RGCC: variants seen among roughly 807,000 people sequenced by gnomAD.
RGCC encodes the protein regulator of cell cycle.
A neutral mutation model predicts 15.4 loss-of-function variants in RGCC; 15 were observed. The ratio of observed to expected loss-of-function variants is 0.97; its 90% CI spans 0.65 to 1.50. The LOEUF (loss-of-function observed/expected upper bound fraction) is 1.50. Among genes scored for constraint, RGCC ranks in the 40% most tolerant of loss-of-function variants. The probability of loss-of-function intolerance (pLI) is 0.00; values close to 1 mark genes in which losing one functional copy is unlikely to be tolerated. For synonymous variants in RGCC, 81 were observed against 78.0 expected, an observed-to-expected ratio of 1.04 and a Z score of -0.20; for missense variants, 176 against 189.7, an observed-to-expected ratio of 0.93 and a Z score of 0.42.
At position 41,470,601 on chromosome 13, in the gene RGCC, C is replaced by A; in HGVS notation, c.*116C>A. Reference sequence around the variant, plus strand: ...GAGGGGACAAAGACGTGCACTCAACCTTCTACCAGGCCACTCTCAGGCTCA... The same window carrying A: ...GAGGGGACAAAGACGTGCACTCAACATTCTACCAGGCCACTCTCAGGCTCA... On this transcript the variant is annotated 3_prime_UTR_variant, in exon 5 of 5. Transcript: ENST00000379359. 9.8e-7 allele frequency: 1 copy of A among 1,025,266 alleles called. No homozygotes were observed. The highest frequency in any genetic ancestry group is 1.5e-6 in the Non-Finnish European group (1 of 648,984). The allele number at this position is 1,025,266 out of a possible 1,614,324, so 63.5% of individuals were successfully genotyped here.
Position 41,458,310 on chromosome 13 carries a change from G to T in RGCC, c.75G>T (p.Ala25=). The T allele has an allele frequency of 6.3e-7, 1 of 1,582,252 alleles. No homozygotes were observed. Among genetic ancestry groups the T allele is most frequent in the South Asian group, 1.1e-5 (1 of 88,222 alleles). Residue 25 remains alanine (A), a synonymous_variant, in exon 2 of 5, where the codon GCG becomes GCT. Coordinates refer to ENST00000379359, the MANE Select transcript of RGCC (RefSeq NM_014059.3). The surrounding 1 kb of genome is among the most constrained non-coding windows in gnomAD (Gnocchi z 4.4). ...AAAPALDSAA[A]EDLSDALCEF... is the part of the protein sequence containing the mutation. ...CCCCGGCCCTGGACTCGGCGGCCGC[G>T]GAGGACCTGTCGGACGCGCTGTGCG...
chr13:41,469,989 T>G (rs1175585228), intron 4 of RGCC, among the ~76,000 whole-genome samples: 1 of 152,200 alleles, frequency 6.6e-6, no homozygotes, highest in Non-Finnish European at 1.5e-5. Context: ...TCCCAGCCCC[T>G]TAATTTTCCA....
At chr13:41,459,236 A>G (rs2043809187) in intron 2 of RGCC, among the ~76,000 whole-genome samples, 1 of 152,248 alleles carries the variant, frequency 6.6e-6, no homozygotes, top group African/African-American at 2.4e-5. Context: ...TGGGAGGATT[A>G]CAGGTACCTC....
At chr13:41,469,898 C>T (rs2043867272) in intron 4 of RGCC, among the ~76,000 whole-genome samples, 1 of 152,340 alleles carries the variant, frequency 6.6e-6, no homozygotes, top group East Asian at 1.9e-4. Flanking sequence ...GGAGGACCAA[C>T]TCCAGCTTCT....
At chr13:41,464,993 G>A (rs535307259) in intron 2 of RGCC, among the ~76,000 whole-genome samples, 1 of 152,312 alleles carries the variant, frequency 6.6e-6, no homozygotes, top group East Asian at 1.9e-4. Flanking sequence ...AGGCACCTGA[G>A]AAGTTGTGGC....
Position 41,467,532 on chromosome 13 carries a change from G to A in RGCC, c.343+602G>A, listed in dbSNP as rs369913394. 4.6e-5 allele frequency among the ~76,000 whole-genome samples: 7 copies of A among 152,346 alleles called. No homozygotes were observed. The East Asian group carries it at 7.7e-4, about 17-fold the overall frequency. ...AATGTCTCCAGCTAGAGAGTTGAAT[G>A]TTCTGTTACATTGGACAAGTGCCTT... is the stretch of plus-strand genomic sequence containing the variant. On this transcript the variant is annotated intron_variant, in intron 3 of 4. Coordinates refer to ENST00000379359, the MANE Select transcript of RGCC (RefSeq NM_014059.3).
At chr13:41,461,113 C>T (rs1168921015) in intron 2 of RGCC, among the ~76,000 whole-genome samples, 1 of 152,144 alleles carries the variant, frequency 6.6e-6, no homozygotes, top group African/African-American at 2.4e-5. Flanking sequence ...AGGGAGGCCT[C>T]TTAAGACATG....
Position 41,458,203 on chromosome 13 carries a change from C to T in RGCC, c.50-82C>T. 1 of 1,179,606 alleles carries T rather than the reference C, an allele frequency of 8.5e-7. No individual in the cohort carries two copies. Among genetic ancestry groups the T allele is most frequent in the Non-Finnish European group, 1.2e-6 (1 of 858,094 alleles). 73.1% of individuals were successfully genotyped at this position (1,179,606 alleles called of 1,614,324 possible). ...CCAAGTGTCAGTTATCTTCGGGAAC[C>T]GTGGCGGCCCCTCCTGGCCCTGGGA... On this transcript the variant is annotated intron_variant, in intron 1 of 4. Transcript: ENST00000379359. The surrounding 1 kb of genome is among the most constrained non-coding windows in gnomAD (Gnocchi z 4.4).
intron 3 of RGCC, 83 bp downstream of exon 3, chr13:41,467,013 T>G: frequency 1.2e-6 from 1 of 857,528 alleles, no homozygotes; most frequent in Non-Finnish European, 2.0e-6. Flanking sequence ...CTTTTATCCC[T>G]AAACAATCTT....
chr13:41,459,781 C>T (rs1390006903), intron 2 of RGCC, among the ~76,000 whole-genome samples: 1 of 152,194 alleles, frequency 6.6e-6, no homozygotes, highest in Non-Finnish European at 1.5e-5. Flanking sequence ...TTCTAAAGGC[C>T]AAACTTAAAT....
chr13:41,462,506 G>C (rs2139574659), intron 2 of RGCC, among the ~76,000 whole-genome samples: 1 of 152,248 alleles, frequency 6.6e-6, no homozygotes, highest in South Asian at 2.1e-4. Context: ...ATGTGAGATG[G>C]TGCTTTAGAG....
intron 2 of RGCC, 56 bp from the exon 3 acceptor site, chr13:41,466,767 T>C (rs946446298): frequency 2.5e-6 from 3 of 1,193,098 alleles, no homozygotes; most frequent in South Asian, 2.5e-5. Flanking sequence ...TATAAAGTGC[T>C]AAGTCTATAA....
rs756681086 is a variant in RGCC at position 41,468,801 on chromosome 13, A to G, written c.369A>G (p.Leu123=). ...QKAKLGDTKE[L]EAFIADLDKT... ...CTAAATTAGGAGACACAAAAGAGCT[A>G]GAAGCCTTCATTGCTGATCTTGACA... Residue 123 remains leucine, a synonymous_variant, in exon 4 of 5, where the codon CTA becomes CTG. Transcript: ENST00000379359. 3.7e-6 allele frequency: 6 copies of G among 1,608,268 alleles called. No individual in the cohort carries two copies. Among genetic ancestry groups the G allele is most frequent in the South Asian group, 1.1e-5 (1 of 91,026 alleles).
intron 4 of RGCC, among the ~76,000 whole-genome samples, chr13:41,469,547 A>G (rs550064217): frequency 3.3e-5 from 5 of 152,250 alleles, no homozygotes; most frequent in African/African-American, 7.2e-5. Context: ...CATTATTCCA[A>G]CAAGCCAAAA....
chr13:41,469,166 T>G (rs1017000661), intron 4 of RGCC, among the ~76,000 whole-genome samples: 7 of 151,596 alleles, frequency 4.6e-5, no homozygotes, highest in Non-Finnish European at 1.0e-4. Context: ...GAGGCTGAGG[T>G]AGGAGAATCA....
rs1417883500 is a variant in RGCC, at chr13:41,470,710, C to T, written c.*225C>T. Reference sequence around the variant, plus strand: ...TTTACCTGCTTGCAGCATATTAGAACAGACGATCCATGCTAATATTGTATT... The same window carrying T: ...TTTACCTGCTTGCAGCATATTAGAATAGACGATCCATGCTAATATTGTATT... On this transcript the variant is annotated 3_prime_UTR_variant, in exon 5 of 5. Coordinates refer to ENST00000379359, the MANE Select transcript of RGCC (RefSeq NM_014059.3). 3 of 533,028 alleles carry T rather than the reference C, an allele frequency of 5.6e-6. No individual in the cohort carries two copies. The highest frequency in any genetic ancestry group is 2.9e-5 in the South Asian group (1 of 34,590). The allele number at this position is 533,028 out of a possible 1,614,324, so 33.0% of individuals were successfully genotyped here. A position where few individuals can be genotyped will look rare whatever the true frequency, so the allele number is the denominator to read the frequency against.
chr13:41,469,295 T>TAATAAGAAGAAGAAGAAGAAGAAG (rs869157194), intron 4 of RGCC, among the ~76,000 whole-genome samples: 8 of 86,726 alleles, frequency 9.2e-5, no homozygotes, highest in African/African-American at 3.0e-4. Flanking sequence ...ATAATAATAA[T>TAATAAGAAGAAGAAGAAGAAGAAG]AAGAAGAAGA....
chr13:41,464,380 T>G (rs1485306749), intron 2 of RGCC, among the ~76,000 whole-genome samples: 1 of 152,182 alleles, frequency 6.6e-6, no homozygotes, highest in Non-Finnish European at 1.5e-5. Context: ...AAGGCTTCCT[T>G]GCAGGTCTGC....
chr13:41,467,894 A>G (rs948790204), intron 3 of RGCC, among the ~76,000 whole-genome samples: 30 of 152,192 alleles, frequency 2.0e-4, no homozygotes, highest in Admixed American at 9.2e-4. Flanking sequence ...TTAAAGAGGG[A>G]AAAAAAGCCC....
Sources: gnomAD v4.1 joint callset for allele counts (sites outside exome capture counted in the v4.1 genomes callset) on GRCh38, gnomAD v4.1.1 for gene constraint, Gnocchi (gnomAD v3.1) non-coding constraint, MANE v1.5 for transcripts, NCBI Gene and HGNC (gene_info 2026-07-23, HGNC 2026-07-21) for gene names.